RBFOX1: variants seen among roughly 807,000 people sequenced by gnomAD.
RBFOX1 encodes RNA binding fox-1 homolog 1, also known as RNA binding protein fox-1 homolog 1.
In RBFOX1, 8 loss-of-function variants were observed where a neutral mutation model predicts 57.7. The ratio of observed to expected loss-of-function variants is 0.14; its 90% confidence interval spans 0.08 to 0.25. The LOEUF (loss-of-function observed/expected upper bound fraction) is 0.25. Among genes scored for constraint, RBFOX1 ranks in the 10% least tolerant of loss-of-function variants. RBFOX1 has a pLI of 1.00. For missense variants in RBFOX1, 611 were observed against 548.5 expected, an observed-to-expected ratio of 1.11 and a Z score of -1.14; for synonymous variants, 326 against 222.4, an observed-to-expected ratio of 1.47 and a Z score of -4.15.
intron 2 of RBFOX1, among the ~76,000 whole-genome samples, chr16:6,336,109 G>A (rs1230718328): frequency 4.9e-5 from 6 of 123,220 alleles, no homozygotes; most frequent in South Asian, 2.9e-4. Context: ...CAAATAAGAA[G>A]GCTTAAATAA....
At chr16:5,786,217 C>T (rs1169321202) in intron 3 of RBFOX1, among the ~76,000 whole-genome samples, 3 of 152,294 alleles carry the variant, frequency 2.0e-5, no homozygotes, top group East Asian at 3.9e-4. Context: ...TAGTCTTTCT[C>T]ACCTTTTTGG....
At chr16:5,686,234 G>A (rs1481030893) in intron 3 of RBFOX1, among the ~76,000 whole-genome samples, 1 of 152,160 alleles carries the variant, frequency 6.6e-6, no homozygotes, top group African/African-American at 2.4e-5. Context: ...CCTGGGGAAG[G>A]GGAACAGGTT....
At chr16:5,371,884 CCGAGTCAA>C (rs2065866175) in intron 1 of RBFOX1, among the ~76,000 whole-genome samples, 1 of 152,168 alleles carries the variant, frequency 6.6e-6, no homozygotes, top group Non-Finnish European at 1.5e-5. Context: ...CAATGCCCTC[CCGAGTCAA>C]CGGGAGGTTT....
intron 5 of RBFOX1, among the ~76,000 whole-genome samples, chr16:7,531,900 A>ACCCATCCCCTTC (rs1211489582): frequency 1.3e-5 from 2 of 151,880 alleles, no homozygotes; most frequent in African/African-American, 4.8e-5. Flanking sequence ...CCCATCCCTA[A>ACCCATCCCCTTC]CCCATCCCCT....
intron 3 of RBFOX1, among the ~76,000 whole-genome samples, chr16:6,850,057 T>C (rs1158194123): frequency 6.6e-6 from 1 of 152,328 alleles, no homozygotes; most frequent in South Asian, 2.1e-4. Context: ...CCTTTGTGCA[T>C]AGATACCTTC....
At chr16:5,249,054 G>C (rs2062378904) in intron 1 of RBFOX1, among the ~76,000 whole-genome samples, 1 of 150,686 alleles carries the variant, frequency 6.6e-6, no homozygotes, top group African/African-American at 2.4e-5. Context: ...CTGTGGGGCA[G>C]CAGCCAGGAC....
intron 3 of RBFOX1, among the ~76,000 whole-genome samples, chr16:6,858,185 AGT>A (rs1458357028): frequency 6.6e-6 from 1 of 152,224 alleles, no homozygotes; most frequent in Non-Finnish European, 1.5e-5. Flanking sequence ...CTCACTCATA[AGT>A]GTCCTTTTCA....
At position 5,850,477 on chromosome 16, in the gene RBFOX1, TCTAA is replaced by T. The variant is rs536866451; in HGVS notation, c.319-16824_319-16821del. Among the ~76,000 whole-genome samples, 115 of 152,338 alleles carry T rather than the reference TCTAA, an allele frequency of 7.5e-4. 1 individual carries two copies. The highest frequency in any genetic ancestry group is 2.6e-3 in the African/African-American group (109 of 41,568). ...GTGTGTCATGAACTGTGCTAGGTTCTCTAACAAAGTAGCACTAGTAGTCACCATC... is the reference window on the plus strand; with the variant it reads ...GTGTGTCATGAACTGTGCTAGGTTCTCAAAGTAGCACTAGTAGTCACCATC... On this transcript the variant is annotated intron_variant, in intron 3 of 19. Transcript: ENST00000641259.
At chr16:5,902,033 C>G (rs571372500) in intron 4 of RBFOX1, among the ~76,000 whole-genome samples, 1 of 152,126 alleles carries the variant, frequency 6.6e-6, no homozygotes, top group African/African-American at 2.4e-5. Flanking sequence ...TGTCATAGTA[C>G]TTATAACGTG....
At chr16:5,602,298 T>A (rs535531134), downstream of RBFOX1, among the ~76,000 whole-genome samples, 1,393 of 152,372 alleles carry the variant, frequency 9.1e-3, 26 homozygotes, top group African/African-American at 0.032. Flanking sequence ...ATTACACTTC[T>A]GGGAATTTGC....
chr16:6,514,840 T>A (rs2096340234), intron 2 of RBFOX1, among the ~76,000 whole-genome samples: 1 of 151,848 alleles, frequency 6.6e-6, no homozygotes, highest in Non-Finnish European at 1.5e-5. Flanking sequence ...TCCCTTGTAG[T>A]CATGGAGTTT....
intron 2 of RBFOX1, among the ~76,000 whole-genome samples, chr16:6,400,872 GAGCA>G (rs1367315706): frequency 2.0e-5 from 3 of 152,170 alleles, no homozygotes; most frequent in African/African-American, 4.8e-5. Flanking sequence ...TCCAGTGAAA[GAGCA>G]AGACTCTGTC....
At chr16:6,184,574 A>T (rs1394364747) in intron 1 of RBFOX1, among the ~76,000 whole-genome samples, 1 of 152,016 alleles carries the variant, frequency 6.6e-6, no homozygotes, top group African/African-American at 2.4e-5. Context: ...TATTCTTATT[A>T]TTTTAGACAG....
intron 3 of RBFOX1, among the ~76,000 whole-genome samples, chr16:6,967,328 C>T (rs950107430): frequency 2.6e-5 from 4 of 152,084 alleles, no homozygotes; most frequent in Non-Finnish European, 4.4e-5. Context: ...TACATCCATC[C>T]ATCTACCAGC....
intron 4 of RBFOX1, chr16:7,304,339 T>G (rs1959531710): frequency 1.0e-6 from 1 of 984,270 alleles, no homozygotes; most frequent in African/African-American, 1.8e-5. Context: ...GCAACGTGAT[T>G]GCATTCAAGC....
At chr16:5,794,218 G>A (rs1186781178) in intron 3 of RBFOX1, among the ~76,000 whole-genome samples, 1 of 152,138 alleles carries the variant, frequency 6.6e-6, no homozygotes, top group Non-Finnish European at 1.5e-5. Flanking sequence ...GAAACGTACA[G>A]AAAACACTTA....
chr16:7,214,491 C>T (rs1214804701), intron 4 of RBFOX1, among the ~76,000 whole-genome samples: 3 of 151,982 alleles, frequency 2.0e-5, no homozygotes, highest in African/African-American at 7.2e-5. Flanking sequence ...GCCTCCATCT[C>T]CATCATCTCT....
chr16:6,211,304 CT>C (rs908982669), intron 1 of RBFOX1, among the ~76,000 whole-genome samples: 1 of 149,536 alleles, frequency 6.7e-6, no homozygotes, highest in Non-Finnish European at 1.5e-5. Flanking sequence ...TCTCCGCTCA[CT>C]GCAAGCTCCA....
At chr16:7,075,690 C>G (rs1291239361) in intron 4 of RBFOX1, among the ~76,000 whole-genome samples, 1 of 152,136 alleles carries the variant, frequency 6.6e-6, no homozygotes, top group Non-Finnish European at 1.5e-5. Flanking sequence ...ACACCATTCT[C>G]CTGCCTCAGT....
Sources: allele counts gnomAD v4.1 joint callset (sites outside exome capture counted in the v4.1 genomes callset), GRCh38; gene constraint gnomAD v4.1.1; transcripts MANE v1.5; gene names NCBI Gene and HGNC (gene_info 2026-07-23, HGNC 2026-07-21).